ORC3: variants seen among roughly 807,000 people sequenced by gnomAD.
ORC3 encodes homolog of latheo, Drosophila.
In ORC3, 78 loss-of-function variants were observed where a neutral mutation model predicts 100.7. The observed-to-expected ratio is 0.77, with a 90% CI of 0.65 to 0.94. ORC3 has a LOEUF of 0.94. Among genes scored for constraint, ORC3 ranks in the 40% least tolerant of loss-of-function variants. The pLI is 0.00. For missense variants in ORC3, 789 were observed against 823.9 expected (o/e 0.96, Z 0.52); for synonymous variants, 295 against 289.3 (o/e 1.02, Z -0.20).
the ORC3 span, among the ~76,000 whole-genome samples, chr6:87,677,385 A>T: frequency 6.6e-6 from 1 of 152,224 alleles, no homozygotes; most frequent in Non-Finnish European, 1.5e-5. Context: ...TACATAATAA[A>T]TTTTATTTAC....
rs1779579363 is a variant in ORC3 at position 87,622,109 on chromosome 6, G to T, written c.1185+96G>T. ...TATTGAGTTAATAAAACATATTTGT[G>T]CATCTTAATATTTATACAGTGAAGT... On this transcript the variant is annotated intron_variant, in intron 11 of 19. Coordinates refer to ENST00000392844, the MANE Select transcript of ORC3 (RefSeq NM_012381.4). 7 of 807,640 alleles carry T rather than the reference G, an allele frequency of 8.7e-6. No homozygotes were observed. In the Admixed American group the frequency reaches 1.3e-4, roughly 15 times the overall value. The allele number at this position is 807,640 out of a possible 1,614,324, so 50.0% of individuals were successfully genotyped here. A position where few individuals can be genotyped will look rare whatever the true frequency, so the allele number is the denominator to read the frequency against.
intron 9 of ORC3, among the ~76,000 whole-genome samples, chr6:87,619,709 A>G (rs6454638): frequency 0.6 from 91,203 of 152,116 alleles, 27,973 homozygotes; most frequent in African/African-American, 0.72. Flanking sequence ...CCTGGCCTGC[A>G]TGGTTTTATT....
intron 2 of ORC3, among the ~76,000 whole-genome samples, chr6:87,596,366 C>G (rs1246954113): frequency 6.6e-6 from 1 of 151,302 alleles, no homozygotes; most frequent in African/African-American, 2.4e-5. Context: ...AACTCCCGGC[C>G]TTGTGATCTG....
intron 2 of ORC3, among the ~76,000 whole-genome samples, chr6:87,601,308 A>G (rs946678082): frequency 6.6e-6 from 1 of 152,210 alleles, no homozygotes; most frequent in African/African-American, 2.4e-5. Context: ...AAAATAAAAG[A>G]TTATAAAAAA....
At chr6:87,601,993 G>GTATA in intron 3 of ORC3, 112 bp downstream of exon 3, 1 of 706,436 alleles carries the variant, frequency 1.4e-6, no homozygotes, top group Non-Finnish European at 2.5e-6. Context: ...GGAAGTATTG[G>GTATA]TCAAGCATAG....
At chr6:87,630,834 A>G (rs887138318) in intron 11 of ORC3, among the ~76,000 whole-genome samples, 1 of 152,036 alleles carries the variant, frequency 6.6e-6, no homozygotes, top group Non-Finnish European at 1.5e-5. Flanking sequence ...TGTCTGCCAT[A>G]TTTGAAGAAG....
the ORC3 span, chr6:87,677,667 TAAG>T: frequency 1.5e-5 from 14 of 908,882 alleles, no homozygotes; most frequent in African/African-American, 1.2e-4. Context: ...GCATGAGCTA[TAAG>T]AAGGTTAATT....
intron 16 of ORC3, among the ~76,000 whole-genome samples, chr6:87,660,499 T>C (rs1384218800): frequency 1.3e-5 from 2 of 152,144 alleles, no homozygotes; most frequent in Non-Finnish European, 2.9e-5. Context: ...GGGCAGAGCT[T>C]GGAGTTATGG....
intron 3 of ORC3, among the ~76,000 whole-genome samples, chr6:87,602,903 T>TC: frequency 1.1e-5 from 1 of 91,634 alleles, no homozygotes; most frequent in Non-Finnish European, 2.0e-5. Flanking sequence ...ATCATATATA[T>TC]ATTATATATT....
chr6:87,593,096 A>AAAAC (rs780637595), intron 1 of ORC3, among the ~76,000 whole-genome samples: 27 of 152,314 alleles, frequency 1.8e-4, no homozygotes, highest in Admixed American at 6.5e-4. Context: ...CTGTCTCAAA[A>AAAAC]AAACAAACAA....
At chr6:87,602,698 C>T (rs1777998838) in intron 3 of ORC3, among the ~76,000 whole-genome samples, 1 of 151,648 alleles carries the variant, frequency 6.6e-6, no homozygotes. Context: ...TTATATCCTC[C>T]TGACTGGCAT....
At position 87,663,036 on chromosome 6, in the gene ORC3, C is replaced by G. The variant is rs370934198; in HGVS notation, c.1725C>G (p.Leu575=). 2 of 1,611,472 alleles carry G rather than the reference C, an allele frequency of 1.2e-6. No homozygotes were observed. The highest frequency in any genetic ancestry group is 2.2e-5 in the East Asian group (1 of 44,860). ...EYLLPPETQP[L]HEVVYFSAAH... ...TTCTGCCTCCTGAGACACAGCCTCT[C>G]CATGAGGTGGTGTACTTCAGTGCTG... The change falls in exon 17 of 20, where the codon CTC becomes CTG. Residue 575 remains leucine, a synonymous_variant. Coordinates refer to ENST00000392844, the MANE Select transcript of ORC3 (RefSeq NM_012381.4).
chr6:87,595,445 C>T (rs1246654467), intron 2 of ORC3: 1 of 152,122 alleles, frequency 6.6e-6, no homozygotes, highest in East Asian at 1.9e-4. Context: ...GGATTGTTAC[C>T]ACCTTGGCCT....
At chr6:87,609,051 G>T in intron 6 of ORC3, 45 bp from the exon 7 acceptor site, 1 of 1,512,126 alleles carries the variant, frequency 6.6e-7, no homozygotes, top group Non-Finnish European at 8.8e-7. Context: ...TTGTTTGAGT[G>T]GTAAGGCTTA....
chr6:87,664,978 T>TTATTTGGAAAGCATAAATCATAA, intron 18 of ORC3, 119 bp downstream of exon 18: 1 of 656,724 alleles, frequency 1.5e-6, no homozygotes, highest in Non-Finnish European at 2.6e-6. Flanking sequence ...GCCTTGTCTT[T>TTATTTGGAAAGCATAAATCATAA]TATTTGGAAA....
At chr6:87,621,297 G>T (rs1167131736) in intron 9 of ORC3, 57 bp from the exon 10 acceptor site, 42 of 1,301,844 alleles carry the variant, frequency 3.2e-5, no homozygotes, top group Non-Finnish European at 4.0e-5. Context: ...AGATTGTAGC[G>T]CAATAGATTT....
intron 8 of ORC3, among the ~76,000 whole-genome samples, chr6:87,613,104 A>G (rs1314649567): frequency 6.6e-6 from 1 of 152,218 alleles, no homozygotes; most frequent in Non-Finnish European, 1.5e-5. Context: ...CACGCTGCTG[A>G]TAAAGACACA....
the ORC3 span, among the ~76,000 whole-genome samples, chr6:87,676,234 G>A: frequency 6.6e-6 from 1 of 151,880 alleles, no homozygotes; most frequent in Non-Finnish European, 1.5e-5. Context: ...GGAGGCCGAG[G>A]CGGGCGGATC....
At chr6:87,614,513 CT>C (rs1779016348) in intron 8 of ORC3, among the ~76,000 whole-genome samples, 1 of 152,174 alleles carries the variant, frequency 6.6e-6, no homozygotes, top group Non-Finnish European at 1.5e-5. Flanking sequence ...ATGGGATTTT[CT>C]TTTCTATCTC....
Sources: allele counts gnomAD v4.1 joint callset (sites outside exome capture counted in the v4.1 genomes callset), GRCh38; gene constraint gnomAD v4.1.1; transcripts MANE v1.5; gene names NCBI Gene and HGNC (gene_info 2026-07-23, HGNC 2026-07-21).